Variants in PPARGC1A observed in about 807,000 individuals in gnomAD.
PPARGC1A encodes PPARG coactivator 1 alpha, also known as peroxisome proliferator-activated receptor gamma coactivator 1-alpha.
In PPARGC1A, 25 loss-of-function variants were observed where a neutral mutation model predicts 88.7. The ratio of observed to expected loss-of-function variants is 0.28; its 90% CI spans 0.21 to 0.39. PPARGC1A has a LOEUF of 0.39. PPARGC1A is among the 10% of genes least tolerant of loss of function. The probability of loss-of-function intolerance (pLI) is 1.00; values close to 1 mark genes in which losing one functional copy is unlikely to be tolerated. For synonymous variants in PPARGC1A, 363 were observed against 355.6 expected, an observed-to-expected ratio of 1.02 and a Z score of -0.24; for missense variants, 880 against 968.7, an observed-to-expected ratio of 0.91 and a Z score of 1.22.
chr4:24,193,840 C>T, the PPARGC1A span, among the ~76,000 whole-genome samples: 1 of 152,022 alleles, frequency 6.6e-6, no homozygotes, highest in Non-Finnish European at 1.5e-5. Context: ...CAAGAGTACA[C>T]CAATGGGGCC....
At chr4:23,821,578 A>G (rs937406623) in intron 7 of PPARGC1A, among the ~76,000 whole-genome samples, 5 of 152,124 alleles carry the variant, frequency 3.3e-5, no homozygotes, top group Non-Finnish European at 5.9e-5. Context: ...GAAACCAGTC[A>G]AAAGTTGGAA....
At chr4:24,057,509 A>G in the PPARGC1A span, among the ~76,000 whole-genome samples, 1 of 151,844 alleles carries the variant, frequency 6.6e-6, no homozygotes, top group Non-Finnish European at 1.5e-5. Context: ...AAGGGAAGCA[A>G]TGACATAAAT....
the PPARGC1A span, among the ~76,000 whole-genome samples, chr4:24,068,004 G>C: frequency 2.6e-5 from 4 of 151,578 alleles, no homozygotes; most frequent in African/African-American, 7.3e-5. Context: ...GTGTGTGCTT[G>C]TGTGTGTGTG....
the PPARGC1A span, among the ~76,000 whole-genome samples, chr4:24,197,814 C>G: frequency 2.6e-5 from 4 of 152,194 alleles, no homozygotes; most frequent in Admixed American, 6.5e-5. Flanking sequence ...TCTTCACAGA[C>G]CTGATGAATT....
chr4:24,304,953 C>A, the PPARGC1A span, among the ~76,000 whole-genome samples: 4 of 151,716 alleles, frequency 2.6e-5, no homozygotes, highest in Non-Finnish European at 4.4e-5. Flanking sequence ...TGGCAAACCC[C>A]GCGCCAGGTA....
In PPARGC1A at chr4:23,795,226, C is replaced by T. The variant is rs1717296334; in HGVS notation, c.*596G>A. 6.7e-6 allele frequency: 1 copy of T among 149,002 alleles called. No homozygotes were observed. The highest frequency in any genetic ancestry group is 2.5e-5 in the African/African-American group (1 of 40,236). 9.2% of individuals were successfully genotyped at this position (149,002 alleles called of 1,614,324 possible). On this transcript the variant is annotated 3_prime_UTR_variant, in exon 13 of 13. Transcript: ENST00000264867. ...CTGATGCCCAGACATCAGCGGCTGT[C>T]ATTTTAGGGTGGTTTGTGGTTGGTT...
the PPARGC1A span, among the ~76,000 whole-genome samples, chr4:23,922,419 C>A: frequency 5.3e-4 from 80 of 152,284 alleles, no homozygotes; most frequent in African/African-American, 4.8e-4. Context: ...TCCTTTCTTT[C>A]CCCCAGAAAT....
chr4:24,169,752 C>T, the PPARGC1A span, among the ~76,000 whole-genome samples: 6 of 151,908 alleles, frequency 3.9e-5, no homozygotes, highest in Non-Finnish European at 8.8e-5. Context: ...GCCTGTAATC[C>T]CAGTTACCTG....
the PPARGC1A span, among the ~76,000 whole-genome samples, chr4:24,073,061 G>C: frequency 6.6e-6 from 1 of 151,886 alleles, no homozygotes; most frequent in African/African-American, 2.4e-5. Flanking sequence ...TGTTTGTTTT[G>C]AGATGGAGTC....
chr4:24,318,067 G>C, the PPARGC1A span, among the ~76,000 whole-genome samples: 2 of 152,274 alleles, frequency 1.3e-5, no homozygotes, highest in South Asian at 4.2e-4. Flanking sequence ...TCTCCACATG[G>C]GAAGCTAAAA....
the PPARGC1A span, among the ~76,000 whole-genome samples, chr4:24,047,195 C>G: frequency 6.6e-6 from 1 of 152,188 alleles, no homozygotes; most frequent in African/African-American, 2.4e-5. Context: ...CAGAGTGATG[C>G]TCTCTCTACT....
chr4:24,156,536 T>C, the PPARGC1A span, among the ~76,000 whole-genome samples: 2 of 152,198 alleles, frequency 1.3e-5, no homozygotes, highest in South Asian at 2.1e-4. Flanking sequence ...TGTCCCATTA[T>C]GGTATGATAA....
At chr4:24,347,151 C>T in the PPARGC1A span, among the ~76,000 whole-genome samples, 1 of 152,052 alleles carries the variant, frequency 6.6e-6, no homozygotes, top group Non-Finnish European at 1.5e-5. Context: ...TTTCAATTTT[C>T]TTAAATTTAC....
the PPARGC1A span, among the ~76,000 whole-genome samples, chr4:24,225,980 CAGAG>C: frequency 7.6e-6 from 1 of 131,908 alleles, no homozygotes; most frequent in African/African-American, 3.0e-5. Flanking sequence ...AAACAAAAGA[CAGAG>C]GGACAAAGAA....
the PPARGC1A span, among the ~76,000 whole-genome samples, chr4:24,133,786 G>C: frequency 6.6e-6 from 1 of 152,142 alleles, no homozygotes; most frequent in South Asian, 2.1e-4. Flanking sequence ...CTTCTCTGTA[G>C]GGTGGCTTAA....
At chr4:24,408,669 C>A in the PPARGC1A span, among the ~76,000 whole-genome samples, 1 of 152,184 alleles carries the variant, frequency 6.6e-6, no homozygotes, top group South Asian at 2.1e-4. Context: ...ATCTGTGGGA[C>A]CTAAAGAGCT....
At chr4:23,955,837 A>G in the PPARGC1A span, among the ~76,000 whole-genome samples, 1 of 152,106 alleles carries the variant, frequency 6.6e-6, no homozygotes, top group African/African-American at 2.4e-5. Flanking sequence ...ATATTGATAA[A>G]TAGCCATGTT....
the PPARGC1A span, among the ~76,000 whole-genome samples, chr4:24,361,610 T>G: frequency 6.6e-6 from 1 of 152,218 alleles, no homozygotes; most frequent in African/African-American, 2.4e-5. Context: ...TTGGAATGCC[T>G]CCATTTTAGC....
chr4:24,058,704 T>C, the PPARGC1A span, among the ~76,000 whole-genome samples: 1 of 152,110 alleles, frequency 6.6e-6, no homozygotes, highest in Non-Finnish European at 1.5e-5. Context: ...CCCAGCACTT[T>C]GGGAGGCAGA....
Sources: allele counts gnomAD v4.1 joint callset (sites outside exome capture counted in the v4.1 genomes callset), GRCh38; gene constraint gnomAD v4.1.1; transcripts MANE v1.5; gene names NCBI Gene and HGNC (gene_info 2026-07-23, HGNC 2026-07-21).